SLC38A10: variants seen among roughly 807,000 people sequenced by gnomAD.
SLC38A10 encodes solute carrier family 38 member 10.
In SLC38A10, 53 loss-of-function variants were observed where a neutral mutation model predicts 81.0. The observed-to-expected ratio is 0.65, with a 90% CI of 0.53 to 0.82. The LOEUF (loss-of-function observed/expected upper bound fraction) is 0.82, where lower values mean the gene tolerates loss of function less well. Among genes scored for constraint, SLC38A10 ranks in the 40% least tolerant of loss-of-function variants. The pLI is 0.00. For synonymous variants in SLC38A10, 665 were observed against 655.3 expected, an observed-to-expected ratio of 1.01 and a Z score of -0.23; for missense variants, 1,471 against 1,545.0, an observed-to-expected ratio of 0.95 and a Z score of 0.80.
Position 81,282,325 on chromosome 17 carries a change from C to A in SLC38A10, c.365G>T (p.Gly122Val). The change falls in exon 5 of 16, where the codon GGC becomes GTC. Residue 122 changes from glycine to valine, a missense_variant. Physicochemically the swap from Gly to Val is moderately radical, Grantham distance 109. This residue lies in a region of SLC38A10 where 720 missense variants were observed against 827.7 expected (regional missense o/e 0.87). Transcript: ENST00000374759. ...GAACAGCAGGAACATGCGGAAGGTG[C>A]CGCCCACCTGCGGGGAGCCGGCAGG... Reference protein sequence around the residue: ...FARLFGFQVGGTFRMFLLFAV... With the variant: ...FARLFGFQVGVTFRMFLLFAV... 6.2e-7 allele frequency: 1 copy of A among 1,610,810 alleles called. No individual in the cohort carries two copies. Among genetic ancestry groups the A allele is most frequent in the Non-Finnish European group, 8.5e-7 (1 of 1,178,880 alleles).
Position 81,245,069 on chromosome 17 carries a change from A to G in SLC38A10, c.*487T>C, listed in dbSNP as rs1365456292. ...TGGGAAGCATCGATAAACAGTCATA[A>G]TAATTATCATTCTGAGTCACTGCAA... On this transcript the variant is annotated 3_prime_UTR_variant, in exon 16 of 16. Transcript: ENST00000374759. The G allele has an allele frequency of 6.3e-6, 1 of 159,808 alleles. No individual in the cohort carries two copies. The highest frequency in any genetic ancestry group is 1.4e-5 in the Non-Finnish European group (1 of 73,394). The allele number at this position is 159,808 out of a possible 1,614,324, so 9.9% of individuals were successfully genotyped here.
Position 81,277,901 on chromosome 17 carries a change from C to T in SLC38A10, c.627-768G>A, listed in dbSNP as rs1045715050. ...GCACACGCCAGAGCACAGGTGAGAG[C>T]TGCTCTGCCATGGGGCTGAACGAGG... On this transcript the variant is annotated intron_variant, in intron 6 of 15. Coordinates refer to ENST00000374759, the MANE Select transcript of SLC38A10 (RefSeq NM_001037984.3). This position sits in a 1 kb window ranked among gnomAD's most constrained non-coding sequence, Gnocchi z 4.5. Among the ~76,000 whole-genome samples the T allele has an allele frequency of 6.6e-6, 1 of 152,160 alleles. No homozygotes were observed. Among genetic ancestry groups the T allele is most frequent in the African/African-American group, 2.4e-5 (1 of 41,442 alleles).
rs368412312 is a variant in SLC38A10 at position 81,246,090 on chromosome 17, G to A, written c.2826C>T (p.Pro942=). The A allele has an allele frequency of 5.7e-5, 92 of 1,608,274 alleles. No homozygotes were observed. The highest frequency in any genetic ancestry group is 1.6e-4 in the Middle Eastern group (1 of 6,072). The change falls in exon 16 of 16, where the codon CCC becomes CCT. Residue 942 remains proline, a synonymous_variant. Transcript: ENST00000374759. ...GTGCAGCTGCTCCTTCCGCCCCACCGGGCAGGTCCGCTGCAAGGCCCAGGT... is the reference window on the plus strand; with the variant it reads ...GTGCAGCTGCTCCTTCCGCCCCACCAGGCAGGTCCGCTGCAAGGCCCAGGT... ...SRDLGLAADL[P]GGAEGAAAQP...
At chr17:81,247,910 T>A (rs1373047991) in intron 14 of SLC38A10, among the ~76,000 whole-genome samples, 1 of 151,726 alleles carries the variant, frequency 6.6e-6, no homozygotes, top group Non-Finnish European at 1.5e-5. Context: ...TCTAGAAAGT[T>A]TCCTCCGAGA....
chr17:81,256,043 G>A (rs1177462327), intron 11 of SLC38A10, among the ~76,000 whole-genome samples: 1 of 152,200 alleles, frequency 6.6e-6, no homozygotes, highest in African/African-American at 2.4e-5. Context: ...GGCACGTGGT[G>A]CCAGGAATGC....
intron 10 of SLC38A10, among the ~76,000 whole-genome samples, chr17:81,266,686 C>T (rs865935363): frequency 6.6e-6 from 1 of 151,828 alleles, no homozygotes; most frequent in Non-Finnish European, 1.5e-5. Flanking sequence ...GGATAGCATG[C>T]AGTGCAGCCA....
Position 81,283,605 on chromosome 17 carries a change from G to T in SLC38A10, c.264-103C>A. 8 of 740,014 alleles carry T rather than the reference G, an allele frequency of 1.1e-5. No homozygotes were observed. Among genetic ancestry groups the T allele is most frequent in the Non-Finnish European group, 1.5e-5 (7 of 457,012 alleles). The allele number at this position is 740,014 out of a possible 1,614,324, so 45.8% of individuals were successfully genotyped here. On this transcript the variant is annotated intron_variant, in intron 3 of 15. Transcript: ENST00000374759. The surrounding 1 kb of genome is among the most constrained non-coding windows in gnomAD (Gnocchi z 4.7). ...CAAGGCTGGGCTGAATGACAGATGT[G>T]ATTTCTTTTTTCTTTTTTTTTTTTT...
At chr17:81,267,473 T>C (rs1460680551) in intron 10 of SLC38A10, among the ~76,000 whole-genome samples, 1 of 152,124 alleles carries the variant, frequency 6.6e-6, no homozygotes, top group Non-Finnish European at 1.5e-5. Context: ...CTTTCCTTCC[T>C]TCCTTCCTCC....
chr17:81,271,057 G>A, intron 9 of SLC38A10, 33 bp from the exon 10 acceptor site: 1 of 1,570,878 alleles, frequency 6.4e-7, no homozygotes, highest in Non-Finnish European at 8.7e-7. Flanking sequence ...AGGGATGAGT[G>A]GGGAAGGGCT....
At chr17:81,273,637 C>T (rs1008440478) in intron 8 of SLC38A10, among the ~76,000 whole-genome samples, 10 of 152,132 alleles carry the variant, frequency 6.6e-5, no homozygotes, top group Non-Finnish European at 1.2e-4. Flanking sequence ...GGCCTCAGGG[C>T]GGTAATTTGT....
In SLC38A10 at chr17:81,246,255, G is replaced by A. The variant is rs201790127; in HGVS notation, c.2661C>T (p.Gly887=). ...EFPGQSQDVT[G]GSQDRKKPGK... Reference sequence around the variant, plus strand: ...CAGGTTTTTTCCTGTCTTGGGAACCGCCAGTAACGTCCTGACTTTGCCCAG... The same window carrying A: ...CAGGTTTTTTCCTGTCTTGGGAACCACCAGTAACGTCCTGACTTTGCCCAG... The change falls in exon 16 of 16, where the codon GGC becomes GGT. Residue 887 remains glycine (G), a synonymous_variant. Transcript: ENST00000374759. 8.1e-6 allele frequency: 13 copies of A among 1,612,640 alleles called. No individual in the cohort carries two copies. In the East Asian group the frequency reaches 8.9e-5, roughly 11 times the overall value.
rs754841110 is a variant in SLC38A10, at chr17:81,276,110, G to A, written c.771C>T (p.Ala257=). The A allele has an allele frequency of 7.4e-6, 12 of 1,613,524 alleles. No individual in the cohort carries two copies. The highest frequency in any genetic ancestry group is 4.0e-5 in the African/African-American group (3 of 74,926). ...AGGGAAAGTGCATGAGCACGTTGCCGGCCGTGGCCTCGGTGAAGCTGACGT... is the reference window on the plus strand; with the variant it reads ...AGGGAAAGTGCATGAGCACGTTGCCAGCCGTGGCCTCGGTGAAGCTGACGT... ...FGYVSFTEAT[A]GNVLMHFPSN... Residue 257 remains alanine, a synonymous_variant, in exon 8 of 16, where the codon GCC becomes GCT. Coordinates refer to ENST00000374759, the MANE Select transcript of SLC38A10 (RefSeq NM_001037984.3). This position sits in a 1 kb window ranked among gnomAD's most constrained non-coding sequence, Gnocchi z 4.7.
chr17:81,268,402 C>T (rs1403798322), intron 10 of SLC38A10, among the ~76,000 whole-genome samples: 1 of 151,814 alleles, frequency 6.6e-6, no homozygotes, highest in African/African-American at 2.4e-5. Flanking sequence ...TTTTCTTCTT[C>T]TTTTTTTTCT....
In SLC38A10 at chr17:81,260,270, C is replaced by A. The variant is rs367876291; in HGVS notation, c.1256G>T (p.Gly419Val). The part of the protein sequence containing the change: ...APGGRLGEAE[G>V]LMKVEAARLS... The stretch of plus-strand genomic sequence containing the variant: ...CCGCGCTGCCTCCACCTTCATCAAA[C>A]CCTCGGCCTCTCCAAGCCGGCCGCC... The change falls in exon 11 of 16, where the codon GGT becomes GTT. Residue 419 changes from glycine (G) to valine (V), a missense_variant. Physicochemically the swap from Gly to Val is moderately radical, Grantham distance 109. Transcript: ENST00000374759. The A allele has an allele frequency of 7.0e-5, 112 of 1,605,490 alleles. No individual in the cohort carries two copies. Among genetic ancestry groups the A allele is most frequent in the Non-Finnish European group, 7.0e-5 (82 of 1,177,150 alleles).
chr17:81,247,996 C>A (rs1191358429), intron 14 of SLC38A10, among the ~76,000 whole-genome samples: 1 of 111,816 alleles, frequency 8.9e-6, no homozygotes, highest in Admixed American at 1.3e-4. Context: ...CTCACTCTGT[C>A]ACCCAGGCTG....
In SLC38A10 at chr17:81,288,759, G is replaced by T; in HGVS notation, c.217+932C>A. 6.6e-6 allele frequency: 1 copy of T among 152,566 alleles called. No individual in the cohort carries two copies. Among genetic ancestry groups the T allele is most frequent in the Non-Finnish European group, 1.5e-5 (1 of 68,160 alleles). The allele number at this position is 152,566 out of a possible 1,614,324, so 9.5% of individuals were successfully genotyped here. On this transcript the variant is annotated intron_variant, in intron 2 of 15. Transcript: ENST00000374759. The surrounding 1 kb of genome is among the most constrained non-coding windows in gnomAD (Gnocchi z 5.4). ...CTGGGAGAGGAGCCACTGAACTCCA[G>T]CAACAGCCCAGGCCTGAGGAGCTTC...
Position 81,286,630 on chromosome 17 carries a change from T to C in SLC38A10, c.218-1735A>G, listed in dbSNP as rs1041708201. On this transcript the variant is annotated intron_variant, in intron 2 of 15. Coordinates refer to ENST00000374759, the MANE Select transcript of SLC38A10 (RefSeq NM_001037984.3). The surrounding 1 kb of genome is among the most constrained non-coding windows in gnomAD (Gnocchi z 6.0). Reference sequence around the variant, plus strand: ...CCCTCCCCCGAGTGTGGACTCCCAGTGCGGGCCCAGCCCCTGCCAGGCTGG... The same window carrying C: ...CCCTCCCCCGAGTGTGGACTCCCAGCGCGGGCCCAGCCCCTGCCAGGCTGG... 6.6e-6 allele frequency among the ~76,000 whole-genome samples: 1 copy of C among 152,060 alleles called. No individual in the cohort carries two copies. Among genetic ancestry groups the C allele is most frequent in the East Asian group, 1.9e-4 (1 of 5,178 alleles).
intron 6 of SLC38A10, among the ~76,000 whole-genome samples, chr17:81,278,506 GC>G (rs1462617076): frequency 2.0e-5 from 3 of 152,178 alleles, no homozygotes; most frequent in Admixed American, 6.5e-5. Flanking sequence ...AGTGCCATCA[GC>G]AGCAGTCAGG....
chr17:81,283,782 T>G lies in SLC38A10; in HGVS notation c.264-280A>C, dbSNP rs1333311197. On this transcript the variant is annotated intron_variant, in intron 3 of 15. Coordinates refer to ENST00000374759, the MANE Select transcript of SLC38A10 (RefSeq NM_001037984.3). This position sits in a 1 kb window ranked among gnomAD's most constrained non-coding sequence, Gnocchi z 4.7. Reference sequence around the variant, plus strand: ...GAGTAGCCACGCCCGGCTAATTGTTTGTATTTTTAGTAGAGACGGGGTTGC... The same window carrying G: ...GAGTAGCCACGCCCGGCTAATTGTTGGTATTTTTAGTAGAGACGGGGTTGC... 6.6e-6 allele frequency among the ~76,000 whole-genome samples: 1 copy of G among 151,724 alleles called. No individual in the cohort carries two copies. Among genetic ancestry groups the G allele is most frequent in the Non-Finnish European group, 1.5e-5 (1 of 67,902 alleles).
Sources: allele counts gnomAD v4.1 joint callset (sites outside exome capture counted in the v4.1 genomes callset), GRCh38; gene constraint gnomAD v4.1.1; regional missense constraint gnomAD v4.1.1; non-coding constraint Gnocchi (gnomAD v3.1); transcripts MANE v1.5; gene names NCBI Gene and HGNC (gene_info 2026-07-23, HGNC 2026-07-21).